SMAD6: variants seen among roughly 807,000 people sequenced by gnomAD.
The protein encoded by SMAD6 is SMAD family member 6.
In SMAD6, 103 loss-of-function variants were observed where a neutral mutation model predicts 39.4. The observed-to-expected ratio is 2.62, with a 90% CI of 2.23 to 3.08. The LOEUF (loss-of-function observed/expected upper bound fraction) is 3.08. Ranked by LOEUF, SMAD6 falls within the 30% of genes most tolerant of loss-of-function variation. The pLI is 0.00. For synonymous variants in SMAD6, 445 were observed against 353.3 expected (o/e 1.26, Z -2.91); for missense variants, 1,104 against 742.9 (o/e 1.49, Z -5.65).
At chr15:66,731,437 CAAAAAA>C (rs58387784) in intron 3 of SMAD6, among the ~76,000 whole-genome samples, 1 of 126,826 alleles carries the variant, frequency 7.9e-6, no homozygotes, top group Non-Finnish European at 1.7e-5. Flanking sequence ...GACTCCGTCT[CAAAAAA>C]AAAAAAAAAA....
chr15:66,781,637 C>A lies in SMAD6; in HGVS notation c.*102C>A. On this transcript the variant is annotated 3_prime_UTR_variant, in exon 4 of 4. Transcript: ENST00000288840. ...AGAGACACAGCCCCCACGGACAAAA[C>A]CCCCCAGATATCATCTACCTAGATT... 1.4e-6 allele frequency: 1 copy of A among 696,972 alleles called. No individual in the cohort carries two copies. Among genetic ancestry groups the A allele is most frequent in the Non-Finnish European group, 2.2e-6 (1 of 448,894 alleles). 43.2% of individuals were successfully genotyped at this position (696,972 alleles called of 1,614,324 possible).
In SMAD6 at chr15:66,703,866, G is replaced by A. The variant is rs1893042529; in HGVS notation, c.608G>A (p.Gly203Asp). The A allele has an allele frequency of 2.2e-6, 3 of 1,335,012 alleles. No individual in the cohort carries two copies. The highest frequency in any genetic ancestry group is 2.9e-6 in the Non-Finnish European group (3 of 1,034,796). The allele number at this position is 1,335,012 out of a possible 1,614,324, so 82.7% of individuals were successfully genotyped here. A position where few individuals can be genotyped will look rare whatever the true frequency, so the allele number is the denominator to read the frequency against. The change falls in exon 1 of 4, where the codon GGC becomes GAC. Residue 203 changes from glycine (G) to aspartate (D), a missense_variant. By Grantham distance (94) the Gly-to-Asp change is moderately conservative. Coordinates refer to ENST00000288840, the MANE Select transcript of SMAD6 (RefSeq NM_005585.5). ...GTGGAGTCCCGCGGCGGCGTGCCGG[G>A]CGGCTGCGTGCTGGTGCCGCGCGCC... ...EAVESRGGVP[G>D]GCVLVPRADL...
chr15:66,711,694 C>G lies in SMAD6; in HGVS notation c.844C>G (p.Leu282Val). ...ATCTCCGCCACCTCCCTACTCTCGGCTGTCTCCTCGCGACGAGTACAAGCC... is the reference window on the plus strand; with the variant it reads ...ATCTCCGCCACCTCCCTACTCTCGGGTGTCTCCTCGCGACGAGTACAAGCC... ...PESPPPPYSRLSPRDEYKPLD... is the reference protein window; with the variant it reads ...PESPPPPYSRVSPRDEYKPLD... The change falls in exon 2 of 4, where the codon CTG (leucine) becomes GTG (valine). Residue 282 changes from leucine (L) to valine (V), a missense_variant. By Grantham distance (32) the Leu-to-Val change is conservative (BLOSUM62 1). Coordinates refer to ENST00000288840, the MANE Select transcript of SMAD6 (RefSeq NM_005585.5). 1 of 1,613,806 alleles carries G rather than the reference C, an allele frequency of 6.2e-7. No individual in the cohort carries two copies. Among genetic ancestry groups the G allele is most frequent in the Non-Finnish European group, 8.5e-7 (1 of 1,179,874 alleles).
At chr15:66,746,501 G>A (rs1893911283) in intron 3 of SMAD6, among the ~76,000 whole-genome samples, 1 of 152,094 alleles carries the variant, frequency 6.6e-6, no homozygotes, top group Non-Finnish European at 1.5e-5. Context: ...CTCTGGATTT[G>A]CTCTAGGGGG....
At chr15:66,775,113 C>T (rs1421849822) in intron 3 of SMAD6, among the ~76,000 whole-genome samples, 2 of 152,086 alleles carry the variant, frequency 1.3e-5, no homozygotes, top group Non-Finnish European at 2.9e-5. Flanking sequence ...CCACCCACCT[C>T]AGCCTCCCAA....
intron 3 of SMAD6, among the ~76,000 whole-genome samples, chr15:66,770,052 T>A (rs1010855151): frequency 1.3e-5 from 2 of 152,204 alleles, no homozygotes; most frequent in African/African-American, 4.8e-5. Context: ...GGTTTCGAAC[T>A]CCTGACCTCA....
At chr15:66,772,957 C>T (rs957489039) in intron 3 of SMAD6, among the ~76,000 whole-genome samples, 4 of 152,202 alleles carry the variant, frequency 2.6e-5, no homozygotes, top group Admixed American at 6.5e-5. Context: ...CCTCCTGGTT[C>T]TGTCATGCTG....
chr15:66,767,009 T>C (rs1894300068), intron 3 of SMAD6, among the ~76,000 whole-genome samples: 1 of 152,174 alleles, frequency 6.6e-6, no homozygotes, highest in South Asian at 2.1e-4. Context: ...TGTGCTCTTA[T>C]CCAGACACAG....
intron 3 of SMAD6, among the ~76,000 whole-genome samples, chr15:66,767,114 G>A (rs1177719101): frequency 6.6e-6 from 1 of 152,208 alleles, no homozygotes; most frequent in East Asian, 1.9e-4. Context: ...ATTGGAAGGA[G>A]CATCTGATCC....
intron 1 of SMAD6, chr15:66,705,708 G>A (rs1893097200): frequency 6.6e-6 from 1 of 152,388 alleles, no homozygotes; most frequent in East Asian, 1.9e-4. Context: ...GTGGCTAACA[G>A]AGTGGAAATA....
intron 3 of SMAD6, among the ~76,000 whole-genome samples, chr15:66,719,645 G>A (rs1389791431): frequency 1.3e-5 from 2 of 152,180 alleles, no homozygotes; most frequent in African/African-American, 2.4e-5. Context: ...CCAGCTCCAT[G>A]GTCTCTGCTT....
chr15:66,708,001 G>C (rs911294696), intron 1 of SMAD6: 1 of 152,330 alleles, frequency 6.6e-6, no homozygotes, highest in Non-Finnish European at 1.5e-5. Context: ...GGGCTAACCA[G>C]AGGCATGCCT....
At chr15:66,733,529 G>A (rs997092898) in intron 3 of SMAD6, among the ~76,000 whole-genome samples, 2 of 152,006 alleles carry the variant, frequency 1.3e-5, no homozygotes, top group African/African-American at 4.8e-5. Context: ...TTGTACTTAG[G>A]TAATTCATGT....
chr15:66,756,644 T>A (rs1484408925), intron 3 of SMAD6, among the ~76,000 whole-genome samples: 1 of 147,616 alleles, frequency 6.8e-6, no homozygotes, highest in Non-Finnish European at 1.5e-5. Context: ...AAGGGGAGGG[T>A]CCCATACACA....
chr15:66,781,417 C>G lies in SMAD6; in HGVS notation c.1373C>G (p.Pro458Arg), dbSNP rs746188996. 1 of 1,604,814 alleles carries G rather than the reference C, an allele frequency of 6.2e-7. No homozygotes were observed. The highest frequency in any genetic ancestry group is 8.5e-7 in the Non-Finnish European group (1 of 1,178,388). The change falls in exon 4 of 4, where the codon CCC becomes CGC. Residue 458 changes from proline to arginine, a missense_variant. By Grantham distance (103) the Pro-to-Arg change is moderately radical. Transcript: ENST00000288840. ...HAPEPDAADGPYDPNSVRISF... is the reference protein window; with the variant it reads ...HAPEPDAADGRYDPNSVRISF... Reference sequence around the variant, plus strand: ...CCCGAGCCCGACGCCGCCGACGGCCCCTACGACCCCAACAGCGTCCGCATC... The same window carrying G: ...CCCGAGCCCGACGCCGCCGACGGCCGCTACGACCCCAACAGCGTCCGCATC...
At chr15:66,778,653 G>C (rs757868365) in intron 3 of SMAD6, among the ~76,000 whole-genome samples, 4 of 152,220 alleles carry the variant, frequency 2.6e-5, no homozygotes, top group African/African-American at 9.6e-5. Flanking sequence ...CTGAGGCTTA[G>C]GGAGGTAGAG....
In SMAD6 at chr15:66,781,914, G is replaced by T. The variant is rs1198477291; in HGVS notation, c.*379G>T. The T allele has an allele frequency of 1.0e-5, 4 of 398,754 alleles. No homozygotes were observed. The allele number at this position is 398,754 out of a possible 1,614,324, so 24.7% of individuals were successfully genotyped here. On this transcript the variant is annotated 3_prime_UTR_variant, in exon 4 of 4. Coordinates refer to ENST00000288840, the MANE Select transcript of SMAD6 (RefSeq NM_005585.5). ...CTAGGTGGAAAAGCCTGGGTTTGGT[G>T]TATGGTTTTTGAGATATTAATGCCC...
intron 1 of SMAD6, chr15:66,706,734 GGCA>G (rs1161118107): frequency 6.6e-6 from 1 of 152,626 alleles, no homozygotes; most frequent in Non-Finnish European, 1.5e-5. Flanking sequence ...ACTCCCACCT[GGCA>G]GCAGTCACCT....
intron 3 of SMAD6, among the ~76,000 whole-genome samples, chr15:66,729,176 G>A (rs778755085): frequency 7.2e-5 from 11 of 152,238 alleles, no homozygotes; most frequent in East Asian, 5.8e-4. Context: ...CTGCCCACAC[G>A]GAGGTGGTGG....
Sources: gnomAD v4.1 joint callset for allele counts (sites outside exome capture counted in the v4.1 genomes callset) on GRCh38, gnomAD v4.1.1 for gene constraint, MANE v1.5 for transcripts, NCBI Gene and HGNC (gene_info 2026-07-23, HGNC 2026-07-21) for gene names.